Variants in ZC2HC1A observed in about 807,000 individuals in gnomAD.
ZC2HC1A encodes the protein zinc finger C2HC domain-containing protein 1A.
A neutral mutation model predicts 40.7 loss-of-function variants in ZC2HC1A; 28 were observed. The ratio of observed to expected loss-of-function variants is 0.69; its 90% CI spans 0.51 to 0.94. ZC2HC1A has a LOEUF of 0.94. Among genes scored for constraint, ZC2HC1A ranks in the 40% least tolerant of loss-of-function variants. ZC2HC1A has a pLI of 0.00. For synonymous variants in ZC2HC1A, 129 were observed against 129.2 expected (o/e 1.00, Z 0.01); for missense variants, 389 against 386.3 (o/e 1.01, Z -0.06).
rs189782627 is a variant in ZC2HC1A, at chr8:78,669,532, A to C, written c.16+3368A>C. Among the ~76,000 whole-genome samples, 223 of 144,366 alleles carry C rather than the reference A, an allele frequency of 1.5e-3. 2 individuals are homozygous for C. The highest frequency in any genetic ancestry group is 6.3e-3 in the African/African-American group (215 of 34,118). 94.7% of individuals were successfully genotyped at this position (144,366 alleles called of 152,430 possible). ...AAACATTGAAGCCAAGAGAGAAAGG[A>C]CTTTAAAGGTGAAAGAGATTTGTCA... On this transcript the variant is annotated intron_variant, in intron 1 of 8. Transcript: ENST00000263849.
chr8:78,697,351 T>G (rs1810455912), intron 5 of ZC2HC1A, 56 bp from the exon 6 acceptor site: 14 of 1,408,450 alleles, frequency 9.9e-6, no homozygotes, highest in South Asian at 3.9e-5. Flanking sequence ...AACCACTACT[T>G]TACAATCCAT....
intron 7 of ZC2HC1A, among the ~76,000 whole-genome samples, chr8:78,713,365 A>G (rs1422039863): frequency 6.6e-6 from 1 of 152,112 alleles, no homozygotes; most frequent in Non-Finnish European, 1.5e-5. Context: ...AACATTTTGA[A>G]CAACCTCAAG....
At chr8:78,696,678 A>AT (rs1810427532) in intron 5 of ZC2HC1A, among the ~76,000 whole-genome samples, 1 of 152,200 alleles carries the variant, frequency 6.6e-6, no homozygotes, top group South Asian at 2.1e-4. Context: ...TACTCCATTA[A>AT]TTTAAGATGG....
intron 7 of ZC2HC1A, 111 bp from the exon 8 acceptor site, chr8:78,715,110 T>C: frequency 1.1e-6 from 1 of 906,182 alleles, no homozygotes; most frequent in African/African-American, 1.7e-5. Flanking sequence ...CTTTAATCTT[T>C]TGAACTTCTC....
chr8:78,685,978 T>A (rs544859697), intron 3 of ZC2HC1A: 1 of 152,524 alleles, frequency 6.6e-6, no homozygotes, highest in South Asian at 2.1e-4. Context: ...AGGGCAGGTG[T>A]GCATGTGAAA....
intron 7 of ZC2HC1A, among the ~76,000 whole-genome samples, chr8:78,700,843 A>G (rs1461590457): frequency 6.6e-6 from 1 of 152,034 alleles, no homozygotes; most frequent in Non-Finnish European, 1.5e-5. Flanking sequence ...TGGGCTTGCT[A>G]TTCTGTTCCA....
At chr8:78,687,909 A>G in intron 4 of ZC2HC1A, among the ~76,000 whole-genome samples, 1 of 56,364 alleles carries the variant, frequency 1.8e-5, no homozygotes, top group South Asian at 5.9e-4. Context: ...ATATATTTAT[A>G]TAAATATATA....
intron 1 of ZC2HC1A, among the ~76,000 whole-genome samples, chr8:78,672,720 T>G (rs868742582): frequency 1.3e-5 from 2 of 152,322 alleles, no homozygotes; most frequent in African/African-American, 4.8e-5. Flanking sequence ...ATGACTTTTC[T>G]GTGTTTATTC....
intron 1 of ZC2HC1A, 54 bp from the exon 2 acceptor site, chr8:78,675,733 A>C (rs1809557057): frequency 6.9e-7 from 1 of 1,443,380 alleles, no homozygotes; most frequent in Non-Finnish European, 9.5e-7. Context: ...TAAAATGTGA[A>C]GTTTCACAAT....
At chr8:78,705,100 C>T (rs1309756431) in intron 7 of ZC2HC1A, among the ~76,000 whole-genome samples, 1 of 152,208 alleles carries the variant, frequency 6.6e-6, no homozygotes, top group African/African-American at 2.4e-5. Context: ...CTGCTTCTTT[C>T]ATTTCAGCTG....
At chr8:78,693,668 C>T (rs1810297226) in intron 5 of ZC2HC1A, among the ~76,000 whole-genome samples, 1 of 151,998 alleles carries the variant, frequency 6.6e-6, no homozygotes, top group Non-Finnish European at 1.5e-5. Flanking sequence ...AAAATTTTCT[C>T]CCATTCTGTA....
At chr8:78,705,903 G>A (rs190785849) in intron 7 of ZC2HC1A, among the ~76,000 whole-genome samples, 4 of 152,020 alleles carry the variant, frequency 2.6e-5, no homozygotes, top group African/African-American at 7.2e-5. Context: ...TACCACTTTC[G>A]TCCCAGTTGG....
Position 78,688,123 on chromosome 8 carries a change from T to C in ZC2HC1A, c.353-1099T>C, listed in dbSNP as rs570995899. ...TTCTAGAGTATTAATAATTAACTTA[T>C]ATGAATGAATGTTTCTGGTATGCTT... On this transcript the variant is annotated intron_variant, in intron 4 of 8. Transcript: ENST00000263849. 1.3e-3 allele frequency among the ~76,000 whole-genome samples: 201 copies of C among 151,808 alleles called. 1 individual carries two copies. The highest frequency in any genetic ancestry group is 4.5e-3 in the African/African-American group (186 of 41,474).
chr8:78,684,047 A>G (rs1002256001), intron 3 of ZC2HC1A, among the ~76,000 whole-genome samples: 2 of 152,208 alleles, frequency 1.3e-5, no homozygotes, highest in Non-Finnish European at 2.9e-5. Context: ...ACAAGTTTCT[A>G]GGAAGTTCCA....
chr8:78,698,370 C>A (rs770395662), intron 6 of ZC2HC1A, 44 bp from the exon 7 acceptor site: 5 of 1,489,720 alleles, frequency 3.4e-6, no homozygotes, highest in Middle Eastern at 3.5e-4. Context: ...TTTTATGTAA[C>A]CTTTTTTAGA....
intron 1 of ZC2HC1A, among the ~76,000 whole-genome samples, chr8:78,667,683 T>G (rs189249784): frequency 4.3e-4 from 65 of 152,322 alleles, no homozygotes; most frequent in African/African-American, 1.5e-3. Context: ...TGGGCATCTT[T>G]TTAGGTTCTA....
At chr8:78,680,093 G>A (rs996002687) in intron 3 of ZC2HC1A, among the ~76,000 whole-genome samples, 9 of 151,988 alleles carry the variant, frequency 5.9e-5, no homozygotes, top group Admixed American at 5.9e-4. Context: ...ACTGTAACAT[G>A]GTGATAGTAG....
chr8:78,666,644 T>C (rs1809307572), intron 1 of ZC2HC1A, among the ~76,000 whole-genome samples: 1 of 152,148 alleles, frequency 6.6e-6, no homozygotes, highest in Non-Finnish European at 1.5e-5. Context: ...GGTAACCGGC[T>C]TTTTACATTT....
chr8:78,683,497 G>T (rs1411194895), intron 3 of ZC2HC1A, among the ~76,000 whole-genome samples: 2 of 152,170 alleles, frequency 1.3e-5, no homozygotes, highest in South Asian at 2.1e-4. Flanking sequence ...TTTTAGCCAT[G>T]CCTGGAGCAG....
Sources: allele counts gnomAD v4.1 joint callset (sites outside exome capture counted in the v4.1 genomes callset), GRCh38; gene constraint gnomAD v4.1.1; transcripts MANE v1.5; gene names NCBI Gene and HGNC (gene_info 2026-07-23, HGNC 2026-07-21).